Variants in CABIN1 observed in about 807,000 individuals in gnomAD.
CABIN1 encodes the protein calcineurin-binding protein cabin-1.
Under a neutral mutation model 227.7 loss-of-function variants are expected in CABIN1, and 133 were observed. The ratio of observed to expected loss-of-function variants is 0.58; its 90% CI spans 0.51 to 0.67. The LOEUF is 0.67. CABIN1 is among the 30% of genes least tolerant of loss of function. CABIN1 has a pLI of 0.00. For synonymous variants in CABIN1, 1,086 were observed against 1,155.1 expected (o/e 0.94, Z 1.21); for missense variants, 2,408 against 2,852.5 (o/e 0.84, Z 3.55).
intron 12 of CABIN1, among the ~76,000 whole-genome samples, chr22:24,060,849 G>A (rs968255633): frequency 1.2e-4 from 18 of 152,022 alleles, no homozygotes; most frequent in Non-Finnish European, 2.5e-4. Flanking sequence ...GCAGTGAGCC[G>A]AGATGGCGCC....
rs200091743 is a variant in CABIN1, at chr22:24,136,739, GCACACACACA to G, written c.4746+2343_4746+2352del. 2.6e-4 allele frequency among the ~76,000 whole-genome samples: 36 copies of G among 139,722 alleles called. No individual in the cohort carries two copies. In the East Asian group the frequency reaches 4.6e-3, roughly 18 times the overall value. 91.7% of individuals were successfully genotyped at this position (139,722 alleles called of 152,430 possible). ...CAAACAATACATCACACACACACAC[GCACACACACA>G]CACACACACACACACACAGAAAGGC... is the stretch of plus-strand genomic sequence containing the variant. On this transcript the variant is annotated intron_variant, in intron 29 of 36. Coordinates refer to ENST00000263119, the MANE Select transcript of CABIN1 (RefSeq NM_012295.4).
rs1174448821 is a variant in CABIN1, at chr22:24,167,451, T to TC, written c.5682+139dup. On this transcript the variant is annotated intron_variant, in intron 32 of 36. Coordinates refer to ENST00000263119, the MANE Select transcript of CABIN1 (RefSeq NM_012295.4). ...GTTGTTCCCACACCATCCCTGCTGT[T>TC]CACTTTCTGCAATGAGCTTTAAAAA... The TC allele has an allele frequency of 3.8e-5, 28 of 731,398 alleles. No individual in the cohort carries two copies. The African/African-American group carries it at 3.9e-4, about 10-fold the overall frequency. The allele number at this position is 731,398 out of a possible 1,614,324, so 45.3% of individuals were successfully genotyped here. A position where few individuals can be genotyped will look rare whatever the true frequency, so the allele number is the denominator to read the frequency against.
chr22:24,167,815 T>TG, intron 32 of CABIN1, among the ~76,000 whole-genome samples: 1 of 152,234 alleles, frequency 6.6e-6, no homozygotes, highest in Admixed American at 6.5e-5. Flanking sequence ...CCTCTAATCA[T>TG]GTCAGTTTGC....
intron 29 of CABIN1, among the ~76,000 whole-genome samples, chr22:24,163,265 T>C (rs540087413): frequency 1.1e-4 from 17 of 152,248 alleles, no homozygotes; most frequent in Middle Eastern, 3.4e-3. Flanking sequence ...TTTAAACTCC[T>C]CTCAGGCCTT....
chr22:24,068,129 C>T (rs74854133), intron 16 of CABIN1, among the ~76,000 whole-genome samples: 1,708 of 152,084 alleles, frequency 0.011, 30 homozygotes, highest in African/African-American at 0.034. Flanking sequence ...TTAAGAGGTG[C>T]GACTATGGGA....
intron 33 of CABIN1, among the ~76,000 whole-genome samples, chr22:24,170,503 A>T (rs1396301135): frequency 6.6e-6 from 1 of 152,152 alleles, no homozygotes; most frequent in African/African-American, 2.4e-5. Flanking sequence ...AGGCTGCTAC[A>T]ACACCACTGG....
chr22:24,106,206 C>T (rs2042506271), intron 26 of CABIN1, among the ~76,000 whole-genome samples: 1 of 152,210 alleles, frequency 6.6e-6, no homozygotes, highest in Non-Finnish European at 1.5e-5. Flanking sequence ...GGGGGTCCTA[C>T]CCCAGAGAAG....
chr22:24,164,596 T>C, intron 30 of CABIN1, 33 bp downstream of exon 30: 1 of 1,597,462 alleles, frequency 6.3e-7, no homozygotes, highest in East Asian at 2.2e-5. Context: ...CAGCCTGGCA[T>C]GCTGTGTGGG....
intron 14 of CABIN1, among the ~76,000 whole-genome samples, 177 bp downstream of exon 14, chr22:24,063,323 G>T (rs921265995): frequency 6.6e-6 from 1 of 152,196 alleles, no homozygotes. Context: ...GTGTGACACA[G>T]TGGGGAATTC....
chr22:24,087,889 T>C (rs2041273584), intron 23 of CABIN1, among the ~76,000 whole-genome samples, 176 bp downstream of exon 23: 2 of 151,794 alleles, frequency 1.3e-5, no homozygotes, highest in Non-Finnish European at 2.9e-5. Flanking sequence ...GACAACTTGG[T>C]CCCTGGTCTT....
chr22:24,173,727 G>A (rs969111892), intron 34 of CABIN1, among the ~76,000 whole-genome samples: 1 of 152,074 alleles, frequency 6.6e-6, no homozygotes, highest in Non-Finnish European at 1.5e-5. Flanking sequence ...CCACCTACTC[G>A]GGAGGCTGAA....
intron 8 of CABIN1, among the ~76,000 whole-genome samples, chr22:24,053,232 C>T (rs750282107): frequency 2.6e-5 from 4 of 151,796 alleles, no homozygotes; most frequent in Non-Finnish European, 5.9e-5. Context: ...TGCCCACCAC[C>T]ACGCCCGGCT....
intron 6 of CABIN1, among the ~76,000 whole-genome samples, chr22:24,044,343 G>T (rs970681374): frequency 6.6e-6 from 1 of 151,000 alleles, no homozygotes; most frequent in Non-Finnish European, 1.5e-5. Flanking sequence ...TTCTGTTCCC[G>T]TTAGTCCCCA....
rs1362640157 is a variant in CABIN1 at position 24,056,369 on chromosome 22, T to TA, written c.1262+10dup. 1 of 1,613,662 alleles carries TA rather than the reference T, an allele frequency of 6.2e-7. No homozygotes were observed. The highest frequency in any genetic ancestry group is 2.2e-5 in the East Asian group (1 of 44,894). ...AAGTTCTTGCCGTCCAGGTACTGTG[T>TA]ATTTTTTCTGATTGTCAGAAACAAA... On this transcript the variant is annotated intron_variant, in intron 10 of 36. Coordinates refer to ENST00000263119, the MANE Select transcript of CABIN1 (RefSeq NM_012295.4).
chr22:24,089,177 G>A (rs1312934907), intron 23 of CABIN1, among the ~76,000 whole-genome samples: 5 of 152,202 alleles, frequency 3.3e-5, no homozygotes, highest in Non-Finnish European at 5.9e-5. Flanking sequence ...GGCAGAGTGG[G>A]AGTTTTCCAG....
intron 29 of CABIN1, chr22:24,156,086 T>TGGCGGG (rs970541122): frequency 6.3e-5 from 26 of 415,916 alleles, no homozygotes; most frequent in African/African-American, 3.5e-4. Context: ...GGTAGGAACT[T>TGGCGGG]GGCGGGGGCG....
At chr22:24,161,362 C>G (rs1314793920) in intron 29 of CABIN1, among the ~76,000 whole-genome samples, 1 of 152,136 alleles carries the variant, frequency 6.6e-6, no homozygotes, top group Admixed American at 6.5e-5. Flanking sequence ...GGAACCCAGC[C>G]CTGGTGACAC....
chr22:24,097,913 G>C (rs762816520), intron 25 of CABIN1, 101 bp from the exon 26 acceptor site: 1 of 1,468,568 alleles, frequency 6.8e-7, no homozygotes, highest in Non-Finnish European at 9.5e-7. Flanking sequence ...AGGTGCATGG[G>C]AGCAGTGGGC....
Position 24,177,140 on chromosome 22 carries a change from C to T in CABIN1, c.6206-364C>T, listed in dbSNP as rs2047162310. 6.6e-6 allele frequency among the ~76,000 whole-genome samples: 1 copy of T among 152,234 alleles called. No individual in the cohort carries two copies. The highest frequency in any genetic ancestry group is 2.4e-5 in the African/African-American group (1 of 41,466). On this transcript the variant is annotated intron_variant, in intron 35 of 36. Coordinates refer to ENST00000263119, the MANE Select transcript of CABIN1 (RefSeq NM_012295.4). This position sits in a 1 kb window ranked among gnomAD's most constrained non-coding sequence, Gnocchi z 4.4. The stretch of plus-strand genomic sequence containing the variant: ...CTGGGCTTCAGTGTCCTCCCTGGGG[C>T]ATAGACACCAATAGGACATGCATCC...
Sources: gnomAD v4.1 joint callset for allele counts (sites outside exome capture counted in the v4.1 genomes callset) on GRCh38, gnomAD v4.1.1 for gene constraint, Gnocchi (gnomAD v3.1) non-coding constraint, MANE v1.5 for transcripts, NCBI Gene and HGNC (gene_info 2026-07-23, HGNC 2026-07-21) for gene names.